Variants in WDR1 observed in about 807,000 individuals in gnomAD.
WDR1 encodes the protein WD repeat domain 1, also known as WD repeat-containing protein 1.
A neutral mutation model predicts 71.9 loss-of-function variants in WDR1; 21 were observed. That is an observed-to-expected ratio of 0.29 (90% CI 0.21 to 0.42). WDR1 has a LOEUF of 0.42. Among genes scored for constraint, WDR1 ranks in the 10% least tolerant of loss-of-function variants. WDR1 has a pLI of 1.00. For missense variants in WDR1, 696 were observed against 824.5 expected, an observed-to-expected ratio of 0.84 and a Z score of 1.91; for synonymous variants, 424 against 347.4, an observed-to-expected ratio of 1.22 and a Z score of -2.45.
chr4:10,087,043 C>G (rs1469786626), intron 8 of WDR1, among the ~76,000 whole-genome samples: 2 of 152,238 alleles, frequency 1.3e-5, no homozygotes, highest in Non-Finnish European at 2.9e-5. Context: ...CACAGGGAGC[C>G]TTTGGCTCAA....
intron 13 of WDR1, 111 bp downstream of exon 13, chr4:10,077,642 A>G (rs1364865006): frequency 6.8e-7 from 1 of 1,468,832 alleles, no homozygotes; most frequent in Non-Finnish European, 9.0e-7. Flanking sequence ...TAGAGGCAAG[A>G]AAACTACAGC....
chr4:10,075,144 A>C lies in WDR1; in HGVS notation c.*234T>G, dbSNP rs1578410676. On this transcript the variant is annotated 3_prime_UTR_variant, in exon 15 of 15. Coordinates refer to ENST00000499869, the MANE Select transcript of WDR1 (RefSeq NM_017491.5). ...GGGCTGTGGGTTTTAGTTATGCTCCACACATTGTTTAGGTGCTCGCTTTAT... is the reference window on the plus strand; with the variant it reads ...GGGCTGTGGGTTTTAGTTATGCTCCCCACATTGTTTAGGTGCTCGCTTTAT... The C allele has an allele frequency of 3.7e-6, 2 of 534,494 alleles. No homozygotes were observed. Among genetic ancestry groups the C allele is most frequent in the East Asian group, 5.9e-5 (2 of 34,182 alleles). 33.1% of individuals were successfully genotyped at this position (534,494 alleles called of 1,614,324 possible).
chr4:10,078,679 A>C, intron 12 of WDR1: 6 of 497,910 alleles, frequency 1.2e-5, no homozygotes, highest in East Asian at 3.8e-5. Flanking sequence ...AGGTGGGGGA[A>C]GTGCCGAGGA....
At chr4:10,101,233 T>C (rs1255400698) in intron 3 of WDR1, among the ~76,000 whole-genome samples, 1 of 152,114 alleles carries the variant, frequency 6.6e-6, no homozygotes, top group African/African-American at 2.4e-5. Context: ...GCTCCCAGAG[T>C]GCCGGAGGCT....
Position 10,088,782 on chromosome 4 carries a change from C to A in WDR1, c.559-41G>T, listed in dbSNP as rs544110455. 7.4e-6 allele frequency: 11 copies of A among 1,484,764 alleles called. 1 individual carries two copies. The South Asian group carries it at 9.6e-5, about 13-fold the overall frequency. 92.0% of individuals were successfully genotyped at this position (1,484,764 alleles called of 1,614,324 possible). ...TACCTGCCTGATGAGGGGCCGCAGG[C>A]CTGACTCTAGGTTCAAGAATGCTCT... On this transcript the variant is annotated intron_variant, in intron 5 of 14. Transcript: ENST00000499869.
rs538822115 is a variant in WDR1 at position 10,088,463 on chromosome 4, G to T, written c.637-90C>A. On this transcript the variant is annotated intron_variant, in intron 6 of 14. Transcript: ENST00000499869. ...CCATGGACTGTGGCTGTAGAAAACC[G>T]GGGCTCACAGACTAAGCTCCCAGTG... is the stretch of plus-strand genomic sequence containing the variant. 4 of 1,339,684 alleles carry T rather than the reference G, an allele frequency of 3.0e-6. No individual in the cohort carries two copies. The South Asian group carries it at 3.8e-5, about 13-fold the overall frequency. The allele number at this position is 1,339,684 out of a possible 1,614,324, so 83.0% of individuals were successfully genotyped here.
intron 9 of WDR1, 30 bp from the exon 10 acceptor site, chr4:10,083,208 C>G: frequency 6.2e-7 from 1 of 1,604,294 alleles, no homozygotes. Context: ...AAGCCCGGCT[C>G]CCAGGACTGC....
chr4:10,083,525 G>T, intron 9 of WDR1: 1 of 479,152 alleles, frequency 2.1e-6, no homozygotes. Flanking sequence ...TGGGGGCAGA[G>T]GGTGGCATGT....
intron 9 of WDR1, among the ~76,000 whole-genome samples, 192 bp downstream of exon 9, chr4:10,084,251 A>T (rs1421595102): frequency 6.6e-6 from 1 of 152,142 alleles, no homozygotes; most frequent in Non-Finnish European, 1.5e-5. Flanking sequence ...GTTGCCAAGG[A>T]CAACTCCAGG....
chr4:10,087,105 G>C (rs1464761351), intron 8 of WDR1, among the ~76,000 whole-genome samples: 1 of 152,198 alleles, frequency 6.6e-6, no homozygotes, highest in African/African-American at 2.4e-5. Context: ...TCCTCCCCAG[G>C]TTGGCATTTG....
chr4:10,080,619 C>A (rs1014028784), intron 11 of WDR1, among the ~76,000 whole-genome samples: 2 of 152,256 alleles, frequency 1.3e-5, no homozygotes, highest in Non-Finnish European at 2.9e-5. Flanking sequence ...CCAACAGGTG[C>A]CCCTTGACTT....
At chr4:10,086,440 G>A (rs1711568925) in intron 8 of WDR1, among the ~76,000 whole-genome samples, 1 of 152,208 alleles carries the variant, frequency 6.6e-6, no homozygotes, top group Admixed American at 6.5e-5. Context: ...GAGCGTTGAG[G>A]TGACCTGGTC....
chr4:10,098,905 A>G, intron 4 of WDR1, 87 bp downstream of exon 4: 1 of 1,574,440 alleles, frequency 6.4e-7, no homozygotes, highest in Non-Finnish European at 8.7e-7. Context: ...TAGTACAGAC[A>G]TCAGCGCATC....
intron 5 of WDR1, among the ~76,000 whole-genome samples, chr4:10,097,011 G>A (rs1390226236): frequency 6.6e-6 from 1 of 152,200 alleles, no homozygotes; most frequent in East Asian, 1.9e-4. Flanking sequence ...CAGGAAAATG[G>A]GCATCACAGA....
chr4:10,085,847 C>A (rs947661176), intron 8 of WDR1, among the ~76,000 whole-genome samples: 3 of 152,238 alleles, frequency 2.0e-5, no homozygotes, highest in Admixed American at 1.3e-4. Flanking sequence ...ACATCAGCAT[C>A]TGCGTGACTC....
intron 5 of WDR1, among the ~76,000 whole-genome samples, chr4:10,090,042 C>T (rs1031117132): frequency 6.6e-6 from 1 of 152,152 alleles, no homozygotes; most frequent in Admixed American, 6.5e-5. Flanking sequence ...TGGGGTGAAG[C>T]TGGAGGCAGA....
chr4:10,105,533 T>C (rs1321603215), intron 2 of WDR1, among the ~76,000 whole-genome samples: 2 of 152,210 alleles, frequency 1.3e-5, no homozygotes, highest in African/African-American at 4.8e-5. Flanking sequence ...CTCAGTGTCA[T>C]TAGTCTTGGG....
At position 10,083,087 on chromosome 4, in the gene WDR1, C is replaced by A; in HGVS notation, c.1131G>T (p.Gly377=). 1 of 1,613,908 alleles carries A rather than the reference C, an allele frequency of 6.2e-7. No individual in the cohort carries two copies. The highest frequency in any genetic ancestry group is 8.5e-7 in the Non-Finnish European group (1 of 1,179,876). Reference sequence around the variant, plus strand: ...CGTCCATGCTGCAGCTGATGAGCTGCCCCGACTCATCCACGGTCATCCTGG... The same window carrying A: ...CGTCCATGCTGCAGCTGATGAGCTGACCCGACTCATCCACGGTCATCCTGG... ...QVSRMTVDES[G]QLISCSMDDT... Residue 377 remains glycine, a synonymous_variant, in exon 10 of 15, where the codon GGG becomes GGT. Coordinates refer to ENST00000499869, the MANE Select transcript of WDR1 (RefSeq NM_017491.5).
intron 2 of WDR1, among the ~76,000 whole-genome samples, chr4:10,106,718 A>C (rs990601994): frequency 6.6e-6 from 1 of 152,212 alleles, no homozygotes; most frequent in Non-Finnish European, 1.5e-5. Flanking sequence ...CCAGCTGATG[A>C]ATCACTCACT....
Sources: allele counts gnomAD v4.1 joint callset (sites outside exome capture counted in the v4.1 genomes callset), GRCh38; gene constraint gnomAD v4.1.1; transcripts MANE v1.5; gene names NCBI Gene and HGNC (gene_info 2026-07-23, HGNC 2026-07-21).